Variants in NPY1R observed in about 807,000 individuals in gnomAD.
The protein encoded by NPY1R is neuropeptide Y receptor type 1.
NPY1R carries 10 observed loss-of-function variants against 24.1 expected under a neutral mutation model. The observed-to-expected ratio is 0.42, with a 90% confidence interval of 0.26 to 0.71. The LOEUF (loss-of-function observed/expected upper bound fraction) is 0.71. Among genes scored for constraint, NPY1R ranks in the 30% least tolerant of loss-of-function variants. The pLI is 0.28. For missense variants in NPY1R, 350 were observed against 458.0 expected, an observed-to-expected ratio of 0.76 and a Z score of 2.15; for synonymous variants, 168 against 165.9, an observed-to-expected ratio of 1.01 and a Z score of -0.10.
intron 1 of NPY1R, among the ~76,000 whole-genome samples, chr4:163,329,873 A>G (rs1352036199): frequency 1.3e-5 from 2 of 152,088 alleles, no homozygotes; most frequent in Non-Finnish European, 2.9e-5. Context: ...TAGGAAGGCT[A>G]AAGAGGGGGG....
intron 1 of NPY1R, 71 bp downstream of exon 1, chr4:163,332,411 C>T (rs932025254): frequency 2.0e-5 from 3 of 152,284 alleles, no homozygotes; most frequent in East Asian, 1.9e-4. Flanking sequence ...TTTTTCTTCC[C>T]CTCTCATCCT....
chr4:163,336,398 T>C (rs927135684), upstream of NPY1R, among the ~76,000 whole-genome samples: 3 of 152,328 alleles, frequency 2.0e-5, no homozygotes, highest in African/African-American at 7.2e-5. Flanking sequence ...TTACTGTTTT[T>C]AATAATTATT....
chr4:163,333,766 A>T (rs748065000), upstream of NPY1R, among the ~76,000 whole-genome samples: 2 of 152,244 alleles, frequency 1.3e-5, no homozygotes, highest in African/African-American at 2.4e-5. Context: ...AAGCTCATTT[A>T]TATAGATAGT....
chr4:163,342,957 T>TTCTCTTTCTCTC (rs138445142), intron 1 of NPY1R, among the ~76,000 whole-genome samples: 3 of 133,292 alleles, frequency 2.3e-5, no homozygotes, highest in African/African-American at 2.8e-5. Context: ...CCTTCTCTCC[T>TTCTCTTTCTCTC]TCTCTCTCTC....
chr4:163,336,182 C>T (rs993507657), upstream of NPY1R, among the ~76,000 whole-genome samples: 2 of 152,066 alleles, frequency 1.3e-5, no homozygotes, highest in Non-Finnish European at 2.9e-5. Context: ...CTGCATATTT[C>T]GGGGCATTTT....
chr4:163,332,101 A>G (rs564474285), intron 1 of NPY1R, among the ~76,000 whole-genome samples: 23 of 152,344 alleles, frequency 1.5e-4, no homozygotes, highest in Non-Finnish European at 2.2e-4. Flanking sequence ...AGCCAGCTCA[A>G]GACACGTAAG....
At chr4:163,329,548 C>T (rs964737612) in intron 1 of NPY1R, among the ~76,000 whole-genome samples, 1 of 151,730 alleles carries the variant, frequency 6.6e-6, no homozygotes, top group African/African-American at 2.4e-5. Flanking sequence ...TTGCAGTGAG[C>T]CAAGTTCAGG....
intron 1 of NPY1R, among the ~76,000 whole-genome samples, chr4:163,339,579 A>T (rs1734928166): frequency 6.6e-6 from 1 of 152,160 alleles, no homozygotes. Context: ...TTGTTGAAAG[A>T]TTGAAAAACT....
chr4:163,326,328 T>C lies in NPY1R; in HGVS notation c.227A>G (p.Asn76Ser), dbSNP rs1734606195. 1 of 1,613,888 alleles carries C rather than the reference T, an allele frequency of 6.2e-7. No homozygotes were observed. The highest frequency in any genetic ancestry group is 1.7e-5 in the Admixed American group (1 of 59,994). ...GAAGGAAAGGTTCACAATCAGGATG[T>C]TGGTAACATTTCTCATCTCCTTTTG... Reference protein sequence around the residue: ...LKQKEMRNVTNILIVNLSFSD... With the variant: ...LKQKEMRNVTSILIVNLSFSD... The change falls in exon 2 of 3, where the codon AAC (asparagine) becomes AGC (serine). Residue 76 changes from asparagine (N) to serine (S), a missense_variant. Transcript: ENST00000296533.
At chr4:163,337,897 A>G (rs554697631), upstream of NPY1R, among the ~76,000 whole-genome samples, 1 of 152,286 alleles carries the variant, frequency 6.6e-6, no homozygotes, top group Non-Finnish European at 1.5e-5. Flanking sequence ...TTTTTCCTCA[A>G]ATATGACCCA....
At chr4:163,341,340 G>A (rs1192926490) in intron 1 of NPY1R, among the ~76,000 whole-genome samples, 1 of 152,026 alleles carries the variant, frequency 6.6e-6, no homozygotes, top group African/African-American at 2.4e-5. Context: ...AGAAATAAAT[G>A]CATAAAGTAA....
rs559212837 is a variant in NPY1R at position 163,331,868 on chromosome 4, G to A, written c.-152+614C>T. Reference sequence around the variant, plus strand: ...CACACTCGAAGCGCCCGGTACTGCGGAGCGCGGCTCGATTGCAGCCGAGAA... The same window carrying A: ...CACACTCGAAGCGCCCGGTACTGCGAAGCGCGGCTCGATTGCAGCCGAGAA... On this transcript the variant is annotated intron_variant, in intron 1 of 2. Coordinates refer to ENST00000296533, the MANE Select transcript of NPY1R (RefSeq NM_000909.6). 8.8e-4 allele frequency among the ~76,000 whole-genome samples: 134 copies of A among 152,360 alleles called. 1 individual carries two copies. The highest frequency in any genetic ancestry group is 2.9e-3 in the African/African-American group (122 of 41,594).
At chr4:163,330,732 G>A (rs903980042) in intron 1 of NPY1R, 1 of 152,200 alleles carries the variant, frequency 6.6e-6, no homozygotes, top group Non-Finnish European at 1.5e-5. Flanking sequence ...CCCTTGCAGA[G>A]GGAAATTTCC....
At position 163,325,018 on chromosome 4, in the gene NPY1R, A is replaced by G. The variant is rs1387588212; in HGVS notation, c.*285T>C. 3.3e-6 allele frequency: 1 copy of G among 303,524 alleles called. No homozygotes were observed. The allele number at this position is 303,524 out of a possible 1,614,324, so 18.8% of individuals were successfully genotyped here. On this transcript the variant is annotated 3_prime_UTR_variant, in exon 3 of 3. Coordinates refer to ENST00000296533, the MANE Select transcript of NPY1R (RefSeq NM_000909.6). ...AATACTTTAAAGAAATTTCATTCCA[A>G]TAAGTACAGTATAAAAGTCTTTATA...
At chr4:163,329,197 G>T (rs1178346005) in intron 1 of NPY1R, among the ~76,000 whole-genome samples, 3 of 152,200 alleles carry the variant, frequency 2.0e-5, no homozygotes, top group Non-Finnish European at 4.4e-5. Flanking sequence ...TGGAGATAAT[G>T]TGACCTTCTC....
At position 163,328,842 on chromosome 4, in the gene NPY1R, T is replaced by C. The variant is rs142035336; in HGVS notation, c.-151-2137A>G. On this transcript the variant is annotated intron_variant, in intron 1 of 2. Transcript: ENST00000296533. ...AGCACCATTTAGTCCCTAGAATCCT[T>C]AGTTGGCTCCTCTCATTTTTAATAT... 2.2e-3 allele frequency among the ~76,000 whole-genome samples: 339 copies of C among 152,308 alleles called. 2 individuals are homozygous for C. Among genetic ancestry groups the C allele is most frequent in the African/African-American group, 8.0e-3 (333 of 41,574 alleles).
At position 163,326,534 on chromosome 4, in the gene NPY1R, G is replaced by A; in HGVS notation, c.21C>T (p.Ser7=). 6.3e-7 allele frequency: 1 copy of A among 1,598,086 alleles called. No individual in the cohort carries two copies. ...AGTGGACTGAATGATTTTCAACCTG[G>A]GAAAATAATGTTGAATTCATTTTGA... MNSTLF[S]QVENHSVHSN... Residue 7 remains serine (S), a synonymous_variant, in exon 2 of 3, where the codon TCC becomes TCT. Transcript: ENST00000296533.
chr4:163,328,290 C>T (rs1439565365), intron 1 of NPY1R, among the ~76,000 whole-genome samples: 6 of 152,190 alleles, frequency 3.9e-5, no homozygotes, highest in African/African-American at 1.4e-4. Context: ...GTGATAACCA[C>T]ACTTTGTCTC....
intron 1 of NPY1R, among the ~76,000 whole-genome samples, chr4:163,329,223 TTG>T (rs1734673871): frequency 6.6e-6 from 1 of 152,190 alleles, no homozygotes; most frequent in Non-Finnish European, 1.5e-5. Context: ...GTTTCTAGTC[TTG>T]TGGGCAGAGA....
Sources: allele counts gnomAD v4.1 joint callset (sites outside exome capture counted in the v4.1 genomes callset), GRCh38; gene constraint gnomAD v4.1.1; transcripts MANE v1.5; gene names NCBI Gene and HGNC (gene_info 2026-07-23, HGNC 2026-07-21).